Variants in TSPAN18 observed in about 807,000 individuals in gnomAD.
The protein encoded by TSPAN18 is tetraspanin-18.
A neutral mutation model predicts 27.3 loss-of-function variants in TSPAN18; 14 were observed. The ratio of observed to expected loss-of-function variants is 0.51; its 90% CI spans 0.34 to 0.80. The LOEUF is 0.80. Among genes scored for constraint, TSPAN18 ranks in the 30% least tolerant of loss-of-function variants. The pLI is 0.01. For missense variants in TSPAN18, 268 were observed against 323.9 expected, an observed-to-expected ratio of 0.83 and a Z score of 1.32; for synonymous variants, 143 against 136.5, an observed-to-expected ratio of 1.05 and a Z score of -0.33.
At chr11:44,908,818 A>AGAAGGAAGGAAGGAAG (rs1859593542) in intron 4 of TSPAN18, among the ~76,000 whole-genome samples, 1 of 117,082 alleles carries the variant, frequency 8.5e-6, no homozygotes, top group African/African-American at 3.6e-5. Context: ...AAAGAAAGAA[A>AGAAGGAAGGAAGGAAG]GAAAGAAAGA....
At chr11:44,739,288 C>CT (rs1324837632) in intron 1 of TSPAN18, among the ~76,000 whole-genome samples, 4 of 152,034 alleles carry the variant, frequency 2.6e-5, no homozygotes, top group African/African-American at 7.2e-5. Flanking sequence ...CCCTCCGTAT[C>CT]TTTTTTTTGG....
chr11:44,883,713 C>T (rs1274769571), intron 3 of TSPAN18, among the ~76,000 whole-genome samples: 2 of 152,228 alleles, frequency 1.3e-5, no homozygotes, highest in African/African-American at 4.8e-5. Context: ...CTACAACGCT[C>T]TTTCTACTGG....
intron 1 of TSPAN18, among the ~76,000 whole-genome samples, chr11:44,761,641 G>A (rs943496061): frequency 3.3e-5 from 5 of 152,114 alleles, no homozygotes; most frequent in African/African-American, 1.2e-4. Context: ...ATTGACAGGC[G>A]CTGCCCACAC....
intron 1 of TSPAN18, among the ~76,000 whole-genome samples, chr11:44,757,786 C>T (rs1855365951): frequency 6.6e-6 from 1 of 152,100 alleles, no homozygotes; most frequent in Non-Finnish European, 1.5e-5. Flanking sequence ...GGAGAAATGT[C>T]TTTTAATCTT....
At position 44,727,071 on chromosome 11, in the gene TSPAN18, A is replaced by AGCCCCG. The variant is rs765673237; in HGVS notation, c.-424_-419dup. On this transcript the variant is annotated 5_prime_UTR_variant, in exon 1 of 10. Transcript: ENST00000520358. ...GAGCCCCAGCCCCGGCCCCGGCCCC[A>AGCCCCG]GCCCCGGCCCCGGCCCCGGCCCCGG... 1.4e-3 allele frequency: 101 copies of AGCCCCG among 74,372 alleles called. No individual in the cohort carries two copies. The highest frequency in any genetic ancestry group is 3.2e-3 in the African/African-American group (99 of 31,210). 4.6% of individuals were successfully genotyped at this position (74,372 alleles called of 1,614,324 possible).
intron 5 of TSPAN18, among the ~76,000 whole-genome samples, chr11:44,911,412 G>A (rs1253402163): frequency 6.6e-5 from 10 of 152,184 alleles, no homozygotes; most frequent in Non-Finnish European, 1.3e-4. Flanking sequence ...AGTCAGCTGC[G>A]AAATGAGTGA....
At chr11:44,728,193 C>T (rs1223709513) in intron 1 of TSPAN18, among the ~76,000 whole-genome samples, 1 of 152,204 alleles carries the variant, frequency 6.6e-6, no homozygotes, top group Non-Finnish European at 1.5e-5. Context: ...GCGAAAGGTT[C>T]ACAGTTATAA....
intron 2 of TSPAN18, among the ~76,000 whole-genome samples, chr11:44,835,529 G>A (rs776517472): frequency 3.3e-5 from 5 of 151,818 alleles, no homozygotes; most frequent in Non-Finnish European, 7.4e-5. Context: ...GGCATTACTG[G>A]ACCAGACCTG....
At chr11:44,734,168 C>G (rs943491854) in intron 1 of TSPAN18, among the ~76,000 whole-genome samples, 3 of 152,168 alleles carry the variant, frequency 2.0e-5, no homozygotes, top group African/African-American at 7.2e-5. Context: ...AGCCTGAGGC[C>G]CTCTCCAGAA....
intron 3 of TSPAN18, among the ~76,000 whole-genome samples, chr11:44,878,318 C>G (rs566577825): frequency 6.6e-6 from 1 of 152,246 alleles, no homozygotes; most frequent in Admixed American, 6.5e-5. Flanking sequence ...CAGGAGGGAA[C>G]AAGCCACGCT....
chr11:44,882,585 G>GACACACACAC lies in TSPAN18; in HGVS notation c.-11+22117_-11+22118insCACACACACA, dbSNP rs199874715. On this transcript the variant is annotated intron_variant, in intron 3 of 9. Coordinates refer to ENST00000520358, the MANE Select transcript of TSPAN18 (RefSeq NM_130783.5). ...CCTCACCAGGAAATGGTCAGAGAGAGAGACACACACACACACACACACACA... is the reference window on the plus strand; with the variant it reads ...CCTCACCAGGAAATGGTCAGAGAGAGACACACACACAGACACACACACACACACACACACA... Among the ~76,000 whole-genome samples the GACACACACAC allele has an allele frequency of 4.6e-3, 423 of 92,368 alleles. 3 individuals carry two copies. The highest frequency in any genetic ancestry group is 6.1e-3 in the Middle Eastern group (1 of 164). The allele number at this position is 92,368 out of a possible 152,430, so 60.6% of individuals were successfully genotyped here.
intron 5 of TSPAN18, among the ~76,000 whole-genome samples, chr11:44,913,546 G>A (rs549178026): frequency 1.3e-5 from 2 of 152,156 alleles, no homozygotes; most frequent in South Asian, 4.2e-4. Flanking sequence ...TATAATGAAG[G>A]CAAGCTCAAC....
At chr11:44,744,142 G>A (rs1217539474) in intron 1 of TSPAN18, among the ~76,000 whole-genome samples, 1 of 152,144 alleles carries the variant, frequency 6.6e-6, no homozygotes, top group African/African-American at 2.4e-5. Context: ...AGGCCTCCTG[G>A]GCTGCTGCTG....
At chr11:44,902,676 G>A (rs111423409) in intron 3 of TSPAN18, among the ~76,000 whole-genome samples, 2 of 152,182 alleles carry the variant, frequency 1.3e-5, no homozygotes, top group African/African-American at 4.8e-5. Context: ...CTGGAGAAAA[G>A]GAAGGGATAG....
rs907449357 is a variant in TSPAN18 at position 44,905,726 on chromosome 11, G to A, written c.-10-681G>A. 5.9e-5 allele frequency among the ~76,000 whole-genome samples: 9 copies of A among 152,320 alleles called. No homozygotes were observed. In the South Asian group the frequency reaches 6.2e-4, roughly 11 times the overall value. On this transcript the variant is annotated intron_variant, in intron 3 of 9. Transcript: ENST00000520358. ...ATTGTGTTCAATGACTTGCTGCCAT[G>A]GGTATACTTTTAGGTGAAGACAGGA...
At chr11:44,820,390 A>T (rs1856902196) in intron 2 of TSPAN18, among the ~76,000 whole-genome samples, 1 of 152,228 alleles carries the variant, frequency 6.6e-6, no homozygotes, top group Non-Finnish European at 1.5e-5. Context: ...TCCCTGGTCC[A>T]GTCATCTGTG....
chr11:44,868,737 G>T (rs1308332426), intron 3 of TSPAN18, among the ~76,000 whole-genome samples: 1 of 152,204 alleles, frequency 6.6e-6, no homozygotes, highest in Non-Finnish European at 1.5e-5. Context: ...CTGAGTCCTT[G>T]GGGCGGGCAG....
chr11:44,818,528 TG>T (rs749886669), intron 2 of TSPAN18, among the ~76,000 whole-genome samples: 14 of 152,210 alleles, frequency 9.2e-5, no homozygotes, highest in Non-Finnish European at 1.8e-4. Context: ...GTCCTGCATT[TG>T]TCTGAGACCT....
chr11:44,768,092 T>G (rs1393569487), intron 2 of TSPAN18, among the ~76,000 whole-genome samples: 1 of 152,238 alleles, frequency 6.6e-6, no homozygotes, highest in African/African-American at 2.4e-5. Flanking sequence ...CTGGGTGTTT[T>G]GCTTCTCCAA....
Sources: allele counts gnomAD v4.1 joint callset (sites outside exome capture counted in the v4.1 genomes callset), GRCh38; gene constraint gnomAD v4.1.1; transcripts MANE v1.5; gene names NCBI Gene and HGNC (gene_info 2026-07-23, HGNC 2026-07-21).